The following RP1 variants were observed in gnomAD, a reference collection of about 807,000 sequenced individuals.
RP1 encodes RP1 axonemal microtubule associated.
Under a neutral mutation model 14.8 loss-of-function variants are expected in RP1, and 16 were observed. The ratio of observed to expected loss-of-function variants is 1.08; its 90% CI spans 0.73 to 1.65. The LOEUF is 1.65. Among genes scored for constraint, RP1 ranks in the 40% most tolerant of loss-of-function variants. The probability of loss-of-function intolerance (pLI) is 0.00; values close to 1 mark genes in which losing one functional copy is unlikely to be tolerated. For synonymous variants in RP1, 876 were observed against 883.6 expected (o/e 0.99, Z 0.15); for missense variants, 2,631 against 2,535.0 (o/e 1.04, Z -0.81).
chr8:54,736,714 T>C (rs965436051), intron 18 of RP1, among the ~76,000 whole-genome samples: 4 of 151,892 alleles, frequency 2.6e-5, no homozygotes, highest in Admixed American at 2.0e-4. Context: ...CCCCCAGGAG[T>C]GTAGAGTCTT....
At chr8:54,742,509 C>G (rs1809123193) in intron 19 of RP1, among the ~76,000 whole-genome samples, 1 of 152,078 alleles carries the variant, frequency 6.6e-6, no homozygotes, top group Non-Finnish European at 1.5e-5. Flanking sequence ...TAAATATGTT[C>G]CAGTCAGTAA....
At chr8:54,667,793 T>C (rs1235215174) in intron 7 of RP1, among the ~76,000 whole-genome samples, 1 of 151,974 alleles carries the variant, frequency 6.6e-6, no homozygotes, top group African/African-American at 2.4e-5. Flanking sequence ...AACCCAGTGA[T>C]GGTTTAAAGA....
chr8:54,859,290 TGG>T (rs1267325613), intron 27 of RP1, among the ~76,000 whole-genome samples: 2 of 151,138 alleles, frequency 1.3e-5, no homozygotes, highest in Non-Finnish European at 2.9e-5. Flanking sequence ...GGTGCCACTG[TGG>T]AGTGTTGTCA....
intron 24 of RP1, among the ~76,000 whole-genome samples, chr8:54,787,995 A>G (rs565927727): frequency 7.2e-5 from 11 of 152,360 alleles, no homozygotes; most frequent in Middle Eastern, 6.8e-3. Context: ...TGAAAGAGTT[A>G]AACATCAATG....
rs894912335 is a variant in RP1, at chr8:54,588,793, T to C, written c.-13+29473T>C. On this transcript the variant is annotated intron_variant, in intron 1 of 22. Transcript: ENST00000636932. ...TTTCGGCTTTTGTTCAGATACTGTA[T>C]CCTCTATCTTGGAAGTAAAGTGAAA... is the stretch of plus-strand genomic sequence containing the variant. Among the ~76,000 whole-genome samples, 12 of 152,234 alleles carry C rather than the reference T, an allele frequency of 7.9e-5. 1 individual carries two copies. Among genetic ancestry groups the C allele is most frequent in the African/African-American group, 2.9e-4 (12 of 41,458 alleles).
chr8:54,736,215 T>C (rs978379900), intron 18 of RP1, among the ~76,000 whole-genome samples: 1 of 152,000 alleles, frequency 6.6e-6, no homozygotes, highest in Admixed American at 6.6e-5. Flanking sequence ...AGCACTATCT[T>C]TATGTATAGA....
In RP1 at chr8:54,861,982, G is replaced by A. The variant is rs115024044; in HGVS notation, c.4070-3853G>A. On this transcript the variant is annotated intron_variant, in intron 27 of 28. Coordinates refer to the RP1 transcript ENST00000637698. ...AACTGGGGGCAAATTTGCGCCCTAG[G>A]GACATTTGACAATGTCTGGAGGCTG... is the stretch of plus-strand genomic sequence containing the variant. Among the ~76,000 whole-genome samples the A allele has an allele frequency of 6.0e-3, 920 of 152,180 alleles. 9 individuals are homozygous for A. The highest frequency in any genetic ancestry group is 0.021 in the African/African-American group (871 of 41,524).
chr8:54,869,918 A>C lies in RP1; in HGVS notation c.4227A>C (p.Gly1409=), dbSNP rs567314674. The C allele has an allele frequency of 9.7e-6, 12 of 1,231,386 alleles. No homozygotes were observed. The East Asian group carries it at 2.5e-4, about 26-fold the overall frequency. The allele number at this position is 1,231,386 out of a possible 1,614,324, so 76.3% of individuals were successfully genotyped here. A position where few individuals can be genotyped will look rare whatever the true frequency, so the allele number is the denominator to read the frequency against. The change falls in exon 29 of 29, where the codon GGA becomes GGC. Residue 1409 remains glycine (G), a synonymous_variant. Transcript: ENST00000637698. ...CAGAAAGTAGTCCCAGTGCAGTAGG[A>C]GAGACTGGGTCTACCATCTCCTGAA... is the stretch of plus-strand genomic sequence containing the variant.
chr8:54,847,135 G>A (rs928198152), intron 25 of RP1, among the ~76,000 whole-genome samples: 1 of 152,094 alleles, frequency 6.6e-6, no homozygotes, highest in African/African-American at 2.4e-5. Context: ...CAGGGAGGGA[G>A]GGAAGGAGAC....
chr8:54,712,630 C>T (rs1323577110), intron 15 of RP1, among the ~76,000 whole-genome samples: 1 of 152,180 alleles, frequency 6.6e-6, no homozygotes. Flanking sequence ...TAGAGAAGAG[C>T]CTCCACAGAA....
intron 17 of RP1, among the ~76,000 whole-genome samples, chr8:54,734,126 T>TA (rs1309441614): frequency 6.6e-6 from 1 of 152,176 alleles, no homozygotes; most frequent in African/African-American, 2.4e-5. Flanking sequence ...ATTTGCCACT[T>TA]ACCTATTTTA....
At chr8:54,658,424 G>A (rs958023325) in intron 6 of RP1, among the ~76,000 whole-genome samples, 1 of 149,782 alleles carries the variant, frequency 6.7e-6, no homozygotes. Context: ...AGTGGCGGGC[G>A]CCTGTAGTCC....
Position 54,587,329 on chromosome 8 carries a change from G to C in RP1, c.-13+28009G>C, listed in dbSNP as rs551719708. 5.3e-5 allele frequency among the ~76,000 whole-genome samples: 8 copies of C among 151,748 alleles called. No homozygotes were observed. In the South Asian group the frequency reaches 1.7e-3, roughly 31 times the overall value. ...TAATCCCAGCTACTCAGGAGGCTGA[G>C]ACAGGAGAATTGCTTGAACTCGGAA... On this transcript the variant is annotated intron_variant, in intron 1 of 22. Coordinates refer to the RP1 transcript ENST00000636932.
downstream of RP1, among the ~76,000 whole-genome samples, chr8:54,770,331 T>C (rs1364344946): frequency 6.6e-6 from 1 of 152,040 alleles, no homozygotes; most frequent in Admixed American, 6.5e-5. Flanking sequence ...AGTTGATTTA[T>C]AAAGAAACTA....
intron 25 of RP1, among the ~76,000 whole-genome samples, chr8:54,846,549 T>C (rs1452474511): frequency 6.6e-6 from 1 of 152,240 alleles, no homozygotes; most frequent in African/African-American, 2.4e-5. Flanking sequence ...AAATTATATT[T>C]CAACATACTT....
intron 1 of RP1, among the ~76,000 whole-genome samples, chr8:54,584,933 A>G (rs1349724435): frequency 1.3e-5 from 2 of 152,162 alleles, no homozygotes; most frequent in East Asian, 3.9e-4. Flanking sequence ...CAGCAAACTG[A>G]TGAGTCTTGA....
intron 24 of RP1, among the ~76,000 whole-genome samples, chr8:54,833,590 A>G (rs2129401830): frequency 6.6e-6 from 1 of 152,178 alleles, no homozygotes; most frequent in African/African-American, 2.4e-5. Context: ...AAAGATCCAT[A>G]TCAGGGGACC....
intron 16 of RP1, among the ~76,000 whole-genome samples, chr8:54,722,477 A>T (rs1004359040): frequency 6.6e-6 from 1 of 151,974 alleles, no homozygotes; most frequent in African/African-American, 2.4e-5. Flanking sequence ...TCACCGTGTT[A>T]GCCAGGATGG....
At chr8:54,562,686 A>G (rs1804314639) in intron 1 of RP1, among the ~76,000 whole-genome samples, 1 of 152,186 alleles carries the variant, frequency 6.6e-6, no homozygotes, top group East Asian at 1.9e-4. Flanking sequence ...AAAAAAAAAA[A>G]ATCTTTTAAG....
Sources: gnomAD v4.1 joint callset for allele counts (sites outside exome capture counted in the v4.1 genomes callset) on GRCh38, gnomAD v4.1.1 for gene constraint, MANE v1.5 for transcripts, NCBI Gene and HGNC (gene_info 2026-07-23, HGNC 2026-07-21) for gene names.